The following APOA4 variants were observed in gnomAD, a reference collection of about 807,000 sequenced individuals.
APOA4 encodes the protein apolipoprotein A4.
A neutral mutation model predicts 33.6 loss-of-function variants in APOA4; 25 were observed. That is an observed-to-expected ratio of 0.74 (90% CI 0.54 to 1.04). APOA4 has a LOEUF of 1.04. Among genes scored for constraint, APOA4 ranks in the 50% least tolerant of loss-of-function variants. APOA4 has a pLI of 0.00. For missense variants in APOA4, 549 were observed against 510.4 expected (o/e 1.08, Z -0.73); for synonymous variants, 228 against 224.0 (o/e 1.02, Z -0.16).
chr11:116,821,305 C>T lies in APOA4; in HGVS notation c.753G>A (p.Glu251=). The change falls in exon 3 of 3, where the codon GAG becomes GAA. Residue 251 remains glutamate (E), a synonymous_variant. Coordinates refer to ENST00000357780, the MANE Select transcript of APOA4 (RefSeq NM_000482.4). ...CACTGGCCGAGATCCTGGCCTTGAG[C>T]TCCTCGGCGTTCTTCTTCATCTGGA... The part of the protein sequence containing the change: ...LTFQMKKNAE[E]LKARISASAE... 6.2e-7 allele frequency: 1 copy of T among 1,613,946 alleles called. No individual in the cohort carries two copies. The highest frequency in any genetic ancestry group is 8.5e-7 in the Non-Finnish European group (1 of 1,180,030).
rs1941318164 is a variant in APOA4 at position 116,821,305 on chromosome 11, C to A, written c.753G>T (p.Glu251Asp). 1.2e-6 allele frequency: 2 copies of A among 1,613,946 alleles called. No homozygotes were observed. The highest frequency in any genetic ancestry group is 1.6e-4 in the Middle Eastern group (1 of 6,062). ...CACTGGCCGAGATCCTGGCCTTGAG[C>A]TCCTCGGCGTTCTTCTTCATCTGGA... ...LTFQMKKNAEELKARISASAE... is the reference protein window; with the variant it reads ...LTFQMKKNAEDLKARISASAE... The change falls in exon 3 of 3, where the codon GAG becomes GAT. Residue 251 changes from glutamate (E) to aspartate (D), a missense_variant. Coordinates refer to ENST00000357780, the MANE Select transcript of APOA4 (RefSeq NM_000482.4).
intron 2 of APOA4, 45 bp from the exon 3 acceptor site, chr11:116,821,926 C>T: frequency 6.2e-7 from 1 of 1,606,126 alleles, no homozygotes; most frequent in Non-Finnish European, 8.5e-7. Flanking sequence ...TTGGCATTTA[C>T]ACGGCAAGAC....
At position 116,821,323 on chromosome 11, in the gene APOA4, C is replaced by T. The variant is rs1233079864; in HGVS notation, c.735G>A (p.Met245Ile). 6 of 1,614,004 alleles carry T rather than the reference C, an allele frequency of 3.7e-6. No individual in the cohort carries two copies. The highest frequency in any genetic ancestry group is 5.1e-6 in the Non-Finnish European group (6 of 1,180,038). Residue 245 changes from methionine to isoleucine, a missense_variant, in exon 3 of 3, where the codon ATG becomes ATA. By Grantham distance (10) the Met-to-Ile change is conservative. Transcript: ENST00000357780. Reference sequence around the variant, plus strand: ...CCTTGAGCTCCTCGGCGTTCTTCTTCATCTGGAAGGTCAGGCCCTCAAGCT... The same window carrying T: ...CCTTGAGCTCCTCGGCGTTCTTCTTTATCTGGAAGGTCAGGCCCTCAAGCT... ...NHQLEGLTFQ[M>I]KKNAEELKAR...
rs1410969458 is a variant in APOA4, at chr11:116,821,732, A to G, written c.326T>C (p.Leu109Pro). 4 of 1,533,124 alleles carry G rather than the reference A, an allele frequency of 2.6e-6. No homozygotes were observed. Among genetic ancestry groups the G allele is most frequent in the Admixed American group, 1.7e-5 (1 of 59,306 alleles). 95.0% of individuals were successfully genotyped at this position (1,533,124 alleles called of 1,614,324 possible). The change falls in exon 3 of 3, where the codon CTG becomes CCG. Residue 109 changes from leucine to proline, a missense_variant. Leu to Pro is a moderately conservative substitution (Grantham distance 98). Coordinates refer to ENST00000357780, the MANE Select transcript of APOA4 (RefSeq NM_000482.4). ...GGCATGGGGCAGCAGCCGGGCCCTC[A>G]GCTCCTCCAGCTCCTTCCCAATCTC... is the stretch of plus-strand genomic sequence containing the variant. ...KEEIGKELEELRARLLPHANE... is the reference protein window; with the variant it reads ...KEEIGKELEEPRARLLPHANE...
At chr11:116,823,047 G>C (rs2134219280) in intron 1 of APOA4, 96 bp downstream of exon 1, 2 of 1,494,992 alleles carry the variant, frequency 1.3e-6, no homozygotes, top group South Asian at 2.3e-5. Context: ...GGGCTGATGG[G>C]CACTCAGAAG....
At position 116,821,365 on chromosome 11, in the gene APOA4, C is replaced by A. The variant is rs1941319098; in HGVS notation, c.693G>T (p.Gln231His). 1 of 1,614,192 alleles carries A rather than the reference C, an allele frequency of 6.2e-7. No homozygotes were observed. The change falls in exon 3 of 3, where the codon CAG becomes CAT. Residue 231 changes from glutamine (Q) to histidine (H), a missense_variant. Gln to His is a conservative substitution (Grantham distance 24). Transcript: ENST00000357780. Reference protein sequence around the residue: ...RSLAPYAQDTQEKLNHQLEGL... With the variant: ...RSLAPYAQDTHEKLNHQLEGL... ...CCTCAAGCTGGTGGTTGAGCTTCTC[C>A]TGCGTGTCCTGAGCATAGGGAGCCA...
chr11:116,821,548 C>G lies in APOA4; in HGVS notation c.510G>C (p.Glu170Asp), dbSNP rs2134218155. ...YAQRMERVLR[E>D]NADSLQASLR... Reference sequence around the variant, plus strand: ...GCGAGGCCTGCAGGCTGTCGGCGTTCTCCCGCAGCACTCTCTCCATGCGCT... The same window carrying G: ...GCGAGGCCTGCAGGCTGTCGGCGTTGTCCCGCAGCACTCTCTCCATGCGCT... The change falls in exon 3 of 3, where the codon GAG (glutamate) becomes GAC (aspartate). Residue 170 changes from glutamate to aspartate, a missense_variant. Physicochemically the swap from Glu to Asp is conservative, Grantham distance 45. Transcript: ENST00000357780. 6.2e-7 allele frequency: 1 copy of G among 1,612,572 alleles called. No individual in the cohort carries two copies. The highest frequency in any genetic ancestry group is 1.1e-5 in the South Asian group (1 of 91,078).
chr11:116,820,882 G>C lies in APOA4; in HGVS notation c.1176C>G (p.Ala392=). 1 of 1,613,890 alleles carries C rather than the reference G, an allele frequency of 6.2e-7. No homozygotes were observed. The highest frequency in any genetic ancestry group is 8.5e-7 in the Non-Finnish European group (1 of 1,180,008). The change falls in exon 3 of 3, where the codon GCC becomes GCG. Residue 392 remains alanine (A), a synonymous_variant. Transcript: ENST00000357780. ...CAGGGGCAGCTCAGCTCTCCAAAGG[G>C]GCCAGCATCTGCACCTGCTCCTGCT... The part of the protein sequence containing the change: ...EQQQEQVQML[A]PLES
In APOA4 at chr11:116,821,059, C is replaced by T. The variant is rs764903189; in HGVS notation, c.999G>A (p.Ala333=). The T allele has an allele frequency of 9.9e-6, 16 of 1,614,094 alleles. No individual in the cohort carries two copies. The highest frequency in any genetic ancestry group is 8.3e-5 in the Admixed American group (5 of 60,018). Residue 333 remains alanine, a synonymous_variant, in exon 3 of 3, where the codon GCG becomes GCA. Transcript: ENST00000357780. ...EQLRQKLGPH[A]GDVEGHLSFL... is the part of the protein sequence containing the mutation. ...AGCTCAAGTGGCCTTCCACGTCCCC[C>T]GCATGGGGGCCCAGTTTCTGCCTGA...
At position 116,821,717 on chromosome 11, in the gene APOA4, A is replaced by G. The variant is rs1207065929; in HGVS notation, c.341T>C (p.Leu114Pro). The G allele has an allele frequency of 1.3e-6, 2 of 1,550,558 alleles. No individual in the cohort carries two copies. The highest frequency in any genetic ancestry group is 2.2e-5 in the South Asian group (2 of 89,482). The change falls in exon 3 of 3, where the codon CTG becomes CCG. Residue 114 changes from leucine to proline, a missense_variant. By Grantham distance (98) the Leu-to-Pro change is moderately conservative. Transcript: ENST00000357780. ...KELEELRARLLPHANEVSQKI... is the reference protein window; with the variant it reads ...KELEELRARLPPHANEVSQKI... Reference sequence around the variant, plus strand: ...CTGGCTCACCTCATTGGCATGGGGCAGCAGCCGGGCCCTCAGCTCCTCCAG... The same window carrying G: ...CTGGCTCACCTCATTGGCATGGGGCGGCAGCCGGGCCCTCAGCTCCTCCAG...
At position 116,823,242 on chromosome 11, in the gene APOA4, C is replaced by T. The variant is rs780852997; in HGVS notation, c.-51G>A. 1 of 1,608,534 alleles carries T rather than the reference C, an allele frequency of 6.2e-7. No homozygotes were observed. The highest frequency in any genetic ancestry group is 1.1e-5 in the South Asian group (1 of 90,904). On this transcript the variant is annotated 5_prime_UTR_variant, in exon 1 of 3. Coordinates refer to ENST00000357780, the MANE Select transcript of APOA4 (RefSeq NM_000482.4). ...AGTTTCTTGCCACACTGGATCCTCC[C>T]TACAATCAGGGGAGCTGACAGAGAG...
At position 116,821,605 on chromosome 11, in the gene APOA4, C is replaced by T. The variant is rs1246510400; in HGVS notation, c.453G>A (p.Glu151=). Residue 151 remains glutamate (E), a synonymous_variant, in exon 3 of 3, where the codon GAG becomes GAA. Coordinates refer to ENST00000357780, the MANE Select transcript of APOA4 (RefSeq NM_000482.4). The stretch of plus-strand genomic sequence containing the variant: ...AGGGGGTCAGCTGGCGCCGCAGCTG[C>T]TCGGCCTGCGTGCTGACCTGGGTGC... The part of the protein sequence containing the change: ...QLRTQVSTQA[E]QLRRQLTPYA... 2 of 1,610,164 alleles carry T rather than the reference C, an allele frequency of 1.2e-6. No individual in the cohort carries two copies. The highest frequency in any genetic ancestry group is 4.5e-5 in the East Asian group (2 of 44,848).
Position 116,822,681 on chromosome 11 carries a change from A to G in APOA4, c.154T>C (p.Ser52Pro). 1 of 1,614,112 alleles carries G rather than the reference A, an allele frequency of 6.2e-7. No homozygotes were observed. Residue 52 changes from serine (S) to proline (P), a missense_variant, in exon 2 of 3, where the codon TCT becomes CCT. Coordinates refer to ENST00000357780, the MANE Select transcript of APOA4 (RefSeq NM_000482.4). ...AKEAVEHLQK[S>P]ELTQQLNALF... is the part of the protein sequence containing the mutation. The stretch of plus-strand genomic sequence containing the variant: ...TACTTGAGTTGCTGGGTGAGTTCAG[A>G]TTTCTGGAGATGTTCCACGGCCTCC...
intron 1 of APOA4, 133 bp from the exon 2 acceptor site, chr11:116,822,918 T>A: frequency 1.3e-6 from 2 of 1,495,860 alleles, no homozygotes; most frequent in Non-Finnish European, 9.1e-7. Context: ...CTTAGCTTTT[T>A]GGAAGCCACA....
Position 116,821,213 on chromosome 11 carries a change from G to A in APOA4, c.845C>T (p.Thr282Ile). Residue 282 changes from threonine to isoleucine, a missense_variant, in exon 3 of 3, where the codon ACC (threonine) becomes ATC (isoleucine). Coordinates refer to ENST00000357780, the MANE Select transcript of APOA4 (RefSeq NM_000482.4). ...EDVRGNLRGN[T>I]EGLQKSLAEL... is the part of the protein sequence containing the mutation. ...TGCCAGTGACTTCTGCAGCCCCTCG[G>A]TGTTGCCCCTCAGGTTGCCACGCAC... 6.2e-7 allele frequency: 1 copy of A among 1,613,212 alleles called. No individual in the cohort carries two copies. Among genetic ancestry groups the A allele is most frequent in the Non-Finnish European group, 8.5e-7 (1 of 1,180,038 alleles).
In APOA4 at chr11:116,821,340, C is replaced by G. The variant is rs777480921; in HGVS notation, c.718G>C (p.Gly240Arg). 6.2e-7 allele frequency: 1 copy of G among 1,614,010 alleles called. No individual in the cohort carries two copies. The highest frequency in any genetic ancestry group is 1.3e-5 in the African/African-American group (1 of 74,932). The change falls in exon 3 of 3, where the codon GGC becomes CGC. Residue 240 changes from glycine (G) to arginine (R), a missense_variant. Transcript: ENST00000357780. ...TTCTTCTTCATCTGGAAGGTCAGGC[C>G]CTCAAGCTGGTGGTTGAGCTTCTCC... ...TQEKLNHQLE[G>R]LTFQMKKNAE...
chr11:116,822,272 G>T (rs1222940741), intron 2 of APOA4, among the ~76,000 whole-genome samples: 1 of 152,072 alleles, frequency 6.6e-6, no homozygotes, highest in Non-Finnish European at 1.5e-5. Context: ...GTGGCACAAG[G>T]TGCTGCTTTC....
Position 116,821,918 on chromosome 11 carries a change from G to A in APOA4, c.177-37C>T, listed in dbSNP as rs185210669. 924 of 1,608,206 alleles carry A rather than the reference G, an allele frequency of 5.7e-4. 4 individuals are homozygous for A. In the African/African-American group the frequency reaches 0.011, roughly 19 times the overall value. On this transcript the variant is annotated intron_variant, in intron 2 of 2. Transcript: ENST00000357780. ...GGCACAAGGAGGCCACGTTACATTT[G>A]GCATTTACACGGCAAGACTTTGTCT...
In APOA4 at chr11:116,821,682, C is replaced by T. The variant is rs753452673; in HGVS notation, c.376G>A (p.Asp126Asn). 8 of 1,596,978 alleles carry T rather than the reference C, an allele frequency of 5.0e-6. No individual in the cohort carries two copies. In the African/African-American group the frequency reaches 5.4e-5, roughly 11 times the overall value. ...CGCTGCTGAAGCTCTCGCAGGTTGTCCCCGATCTTCTGGCTCACCTCATTG... is the reference window on the plus strand; with the variant it reads ...CGCTGCTGAAGCTCTCGCAGGTTGTTCCCGATCTTCTGGCTCACCTCATTG... ...HANEVSQKIG[D>N]NLRELQQRLE... The change falls in exon 3 of 3, where the codon GAC (aspartate) becomes AAC (asparagine). Residue 126 changes from aspartate (D) to asparagine (N), a missense_variant. Transcript: ENST00000357780.
Sources: gnomAD v4.1 joint callset for allele counts (sites outside exome capture counted in the v4.1 genomes callset) on GRCh38, gnomAD v4.1.1 for gene constraint, MANE v1.5 for transcripts, NCBI Gene and HGNC (gene_info 2026-07-23, HGNC 2026-07-21) for gene names.